The following HECW2 variants were observed in gnomAD, a reference collection of about 807,000 sequenced individuals.
HECW2 encodes the protein E3 ubiquitin-protein ligase HECW2.
In HECW2, 61 loss-of-function variants were observed where a neutral mutation model predicts 175.2. The ratio of observed to expected loss-of-function variants is 0.35; its 90% CI spans 0.28 to 0.43. HECW2 has a LOEUF of 0.43. HECW2 is among the 20% of genes least tolerant of loss of function. The pLI is 1.00. For synonymous variants in HECW2, 671 were observed against 731.0 expected (o/e 0.92, Z 1.32); for missense variants, 1,524 against 2,000.5 (o/e 0.76, Z 4.54).
chr2:196,443,080 C>A (rs370363058), intron 1 of HECW2, among the ~76,000 whole-genome samples: 2 of 152,104 alleles, frequency 1.3e-5, no homozygotes, highest in Admixed American at 1.3e-4. Context: ...CCTAAACATC[C>A]GTCCTTTCTC....
intron 2 of HECW2, among the ~76,000 whole-genome samples, chr2:196,373,303 A>G (rs1043733032): frequency 2.0e-5 from 3 of 152,234 alleles, no homozygotes; most frequent in Non-Finnish European, 4.4e-5. Context: ...TTTGGAGAAA[A>G]AGAATTGCCT....
At chr2:196,434,375 CATG>C (rs1695808625) in intron 1 of HECW2, among the ~76,000 whole-genome samples, 1 of 152,158 alleles carries the variant, frequency 6.6e-6, no homozygotes, top group Admixed American at 6.5e-5. Context: ...CCATCTGGAT[CATG>C]ATAAGCTATT....
chr2:196,496,393 G>A (rs918831076), intron 1 of HECW2, among the ~76,000 whole-genome samples: 1 of 141,252 alleles, frequency 7.1e-6, no homozygotes, highest in African/African-American at 3.0e-5. Flanking sequence ...ACACTGATAA[G>A]CTCTTTCCAT....
At chr2:196,212,013 T>G (rs959905415) in intron 28 of HECW2, among the ~76,000 whole-genome samples, 7 of 152,128 alleles carry the variant, frequency 4.6e-5, no homozygotes, top group Non-Finnish European at 2.9e-5. Context: ...ATTTTTGTAT[T>G]TTTAGTAGAG....
chr2:196,320,588 A>G (rs1691905599), intron 7 of HECW2, 149 bp from the exon 8 acceptor site: 3 of 522,514 alleles, frequency 5.7e-6, no homozygotes, highest in Non-Finnish European at 1.1e-5. Flanking sequence ...ATTATAGTCC[A>G]ATGTAATATT....
intron 1 of HECW2, among the ~76,000 whole-genome samples, chr2:196,473,519 A>T (rs958622869): frequency 1.3e-5 from 2 of 152,250 alleles, no homozygotes; most frequent in African/African-American, 4.8e-5. Flanking sequence ...ACCTACATCC[A>T]GACCCTGAAA....
At chr2:196,251,636 C>G (rs1422799012) in intron 19 of HECW2, among the ~76,000 whole-genome samples, 2 of 152,154 alleles carry the variant, frequency 1.3e-5, no homozygotes, top group Non-Finnish European at 2.9e-5. Flanking sequence ...GCCTTTGAAT[C>G]TTCCTTGACT....
Position 196,566,699 on chromosome 2 carries a change from A to ATTTT in HECW2, c.-36+26805_-36+26808dup, listed in dbSNP as rs58391487. ...AGGTGCCAGCCACCACACCCAGCTA[A>ATTTT]TTTTTTTTTTTTTTTTTTTTTTTTT... On this transcript the variant is annotated intron_variant, in intron 1 of 28. Transcript: ENST00000644978. 1.4e-3 allele frequency among the ~76,000 whole-genome samples: 130 copies of ATTTT among 94,200 alleles called. 1 individual carries two copies. The highest frequency in any genetic ancestry group is 4.9e-3 in the African/African-American group (117 of 24,050). 61.8% of individuals were successfully genotyped at this position (94,200 alleles called of 152,430 possible). A position where few individuals can be genotyped will look rare whatever the true frequency, so the allele number is the denominator to read the frequency against.
chr2:196,509,380 A>G (rs1687869676), intron 1 of HECW2, among the ~76,000 whole-genome samples: 2 of 152,198 alleles, frequency 1.3e-5, no homozygotes, highest in Admixed American at 6.5e-5. Context: ...TCATTATGTA[A>G]GAATGGTTGA....
At chr2:196,506,875 G>A (rs1376672835) in intron 1 of HECW2, among the ~76,000 whole-genome samples, 1 of 151,964 alleles carries the variant, frequency 6.6e-6, no homozygotes, top group Non-Finnish European at 1.5e-5. Context: ...CACTGCTACA[G>A]GCCAAGCTGA....
intron 2 of HECW2, among the ~76,000 whole-genome samples, chr2:196,376,248 A>G (rs1446091926): frequency 6.6e-6 from 1 of 152,254 alleles, no homozygotes; most frequent in Non-Finnish European, 1.5e-5. Flanking sequence ...AAGAGATACT[A>G]AGAATATAAT....
intron 5 of HECW2, 108 bp from the exon 6 acceptor site, chr2:196,325,257 A>T: frequency 2.8e-6 from 2 of 703,332 alleles, no homozygotes; most frequent in Non-Finnish European, 4.5e-6. Context: ...AAGGATTCAT[A>T]TGTCCTGATT....
intron 1 of HECW2, among the ~76,000 whole-genome samples, chr2:196,591,116 G>T (rs964096002): frequency 3.8e-4 from 58 of 152,184 alleles, no homozygotes; most frequent in African/African-American, 1.4e-3. Flanking sequence ...TGTTCAGAAT[G>T]ATTTTGATTT....
intron 23 of HECW2, 54 bp from the exon 24 acceptor site, chr2:196,222,394 C>A (rs756294746): frequency 2.6e-6 from 4 of 1,555,420 alleles, no homozygotes; most frequent in Middle Eastern, 3.6e-4. Context: ...TTAGCAAAAA[C>A]CCAGAGTCAT....
chr2:196,324,746 C>T (rs1428449949), intron 6 of HECW2, among the ~76,000 whole-genome samples: 1 of 152,000 alleles, frequency 6.6e-6, no homozygotes, highest in Non-Finnish European at 1.5e-5. Flanking sequence ...TTTATTTTAA[C>T]AATTGAGTTT....
rs1344379000 is a variant in HECW2, at chr2:196,194,554, T to A, written c.*6723A>T. The A allele has an allele frequency of 6.6e-6, 1 of 152,048 alleles. No homozygotes were observed. Among genetic ancestry groups the A allele is most frequent in the East Asian group, 1.9e-4 (1 of 5,202 alleles). The allele number at this position is 152,048 out of a possible 1,614,324, so 9.4% of individuals were successfully genotyped here. A position where few individuals can be genotyped will look rare whatever the true frequency, so the allele number is the denominator to read the frequency against. On this transcript the variant is annotated 3_prime_UTR_variant, in exon 29 of 29. Coordinates refer to ENST00000644978, the MANE Select transcript of HECW2 (RefSeq NM_001348768.2). ...TCAGGGGTTCAGTTGAGAATAAGAA[T>A]ACAGACTTCCCAGAAAATAAACAAC...
chr2:196,539,892 C>G (rs553071726), intron 1 of HECW2, among the ~76,000 whole-genome samples: 1 of 152,156 alleles, frequency 6.6e-6, no homozygotes, highest in Non-Finnish European at 1.5e-5. Context: ...ATGAATATGC[C>G]TTGTTTAATT....
chr2:196,220,717 C>T (rs1261935759), intron 25 of HECW2, 78 bp downstream of exon 25: 19 of 1,427,394 alleles, frequency 1.3e-5, no homozygotes, highest in Middle Eastern at 1.8e-4. Context: ...ATAGTCTACA[C>T]ATGTAAAGTA....
chr2:196,548,848 C>T (rs1689513895), intron 1 of HECW2, among the ~76,000 whole-genome samples: 1 of 152,146 alleles, frequency 6.6e-6, no homozygotes, highest in South Asian at 2.1e-4. Context: ...TCCTATGCCT[C>T]CTCACATAGT....
Sources: allele counts gnomAD v4.1 joint callset (sites outside exome capture counted in the v4.1 genomes callset), GRCh38; gene constraint gnomAD v4.1.1; transcripts MANE v1.5; gene names NCBI Gene and HGNC (gene_info 2026-07-23, HGNC 2026-07-21).